The following SHROOM2 variants were observed in gnomAD, a reference collection of about 807,000 sequenced individuals.
The protein encoded by SHROOM2 is protein Shroom2.
In SHROOM2, 33 loss-of-function variants were observed where a neutral mutation model predicts 75.9. The ratio of observed to expected loss-of-function variants is 0.43; its 90% CI spans 0.33 to 0.58. The LOEUF (loss-of-function observed/expected upper bound fraction) is 0.58. SHROOM2 is among the 20% of genes least tolerant of loss of function. The pLI is 0.04. For synonymous variants in SHROOM2, 655 were observed against 663.6 expected (o/e 0.99, Z 0.20); for missense variants, 1,434 against 1,461.2 (o/e 0.98, Z 0.30).
chrX:9,947,396 C>G lies in SHROOM2; in HGVS notation c.*459C>G, dbSNP rs779449433. 3 of 127,395 alleles carry G rather than the reference C, an allele frequency of 2.4e-5. No homozygotes were observed. The highest frequency in any genetic ancestry group is 4.8e-5 in the Non-Finnish European group (3 of 62,954). 10.5% of individuals were successfully genotyped at this position (127,395 alleles called of 1,213,427 possible). ...CAGGCATGGGCTGCCAGGTTTTGTC[C>G]CTGCTCGTTCAACAGTGTGAGCATT... On this transcript the variant is annotated 3_prime_UTR_variant, in exon 10 of 10. Transcript: ENST00000380913.
rs73474571 is a variant in SHROOM2 at position 9,883,074 on chromosome X, G to A, written c.318-7903G>A. Among the ~76,000 whole-genome samples the A allele has an allele frequency of 5.6e-3, 623 of 112,023 alleles. 5 individuals are homozygous for A. Among genetic ancestry groups the A allele is most frequent in the African/African-American group, 0.019 (595 of 30,871 alleles). ...AGTTAACCATTTCTAGAGTGCTCTG[G>A]CGTACTTGTATACATTCATGTGATG... On this transcript the variant is annotated intron_variant, in intron 2 of 9. Coordinates refer to ENST00000380913, the MANE Select transcript of SHROOM2 (RefSeq NM_001649.4).
intron 1 of SHROOM2, among the ~76,000 whole-genome samples, chrX:9,806,121 G>A (rs898023184): frequency 9.1e-6 from 1 of 110,392 alleles, no homozygotes; most frequent in Admixed American, 9.8e-5. Context: ...AGAGCTATGA[G>A]CAATACATTT....
chrX:9,934,211 C>A (rs184231840), intron 6 of SHROOM2, among the ~76,000 whole-genome samples: 1 of 112,280 alleles, frequency 8.9e-6, no homozygotes, highest in South Asian at 3.7e-4. Context: ...CTCAGTCACA[C>A]CAGGTGTGGC....
chrX:9,848,378 A>C (rs12392234), intron 1 of SHROOM2, among the ~76,000 whole-genome samples: 19,059 of 97,450 alleles, frequency 0.2, 3,530 homozygotes, highest in African/African-American at 0.52. Flanking sequence ...GTGGCGGGCG[A>C]CTGTAGTCCC....
intron 5 of SHROOM2, among the ~76,000 whole-genome samples, chrX:9,926,812 G>A (rs1238668211): frequency 9.0e-6 from 1 of 110,825 alleles, no homozygotes; most frequent in Non-Finnish European, 1.9e-5. Flanking sequence ...AGCAAAATGA[G>A]TGTCAGGTTT....
intron 5 of SHROOM2, among the ~76,000 whole-genome samples, chrX:9,924,506 C>T (rs1207824725): frequency 1.8e-5 from 2 of 110,572 alleles, no homozygotes; most frequent in Non-Finnish European, 3.8e-5. Context: ...AAGGTGCCCA[C>T]CACCATGCCT....
chrX:9,843,378 T>A (rs1039802694), intron 1 of SHROOM2, among the ~76,000 whole-genome samples: 20 of 110,563 alleles, frequency 1.8e-4, no homozygotes, highest in Non-Finnish European at 3.0e-4. Flanking sequence ...TCCTTTTCTG[T>A]CCTGGGATTA....
intron 2 of SHROOM2, among the ~76,000 whole-genome samples, chrX:9,886,620 CT>C (rs981941340): frequency 3.6e-5 from 4 of 110,672 alleles, no homozygotes; most frequent in Admixed American, 9.7e-5. Flanking sequence ...CCCCCACCCC[CT>C]GGCAACCACC....
intron 1 of SHROOM2, chrX:9,818,638 TTTC>T (rs2083835711): frequency 5.8e-6 from 2 of 342,935 alleles, no homozygotes; most frequent in African/African-American, 5.3e-5. Context: ...GGTGCCTGTA[TTTC>T]TTATGTGTTC....
At chrX:9,794,614 C>G (rs2083684703) in intron 1 of SHROOM2, among the ~76,000 whole-genome samples, 1 of 111,598 alleles carries the variant, frequency 9.0e-6, no homozygotes, top group African/African-American at 3.3e-5. Context: ...GGTGATCCGC[C>G]CACCTCAGCC....
At chrX:9,835,137 G>A (rs1233485338) in intron 1 of SHROOM2, among the ~76,000 whole-genome samples, 2 of 112,702 alleles carry the variant, frequency 1.8e-5, no homozygotes, top group Non-Finnish European at 3.7e-5. Context: ...CACTGACAGT[G>A]TTGACTGCAA....
chrX:9,880,368 G>A (rs2084225078), intron 2 of SHROOM2, among the ~76,000 whole-genome samples: 1 of 113,156 alleles, frequency 8.8e-6, no homozygotes. Context: ...GGAGCACACT[G>A]AGCGGGTCCC....
intron 2 of SHROOM2, among the ~76,000 whole-genome samples, chrX:9,881,531 G>C (rs920411878): frequency 8.9e-6 from 1 of 112,195 alleles, no homozygotes; most frequent in Non-Finnish European, 1.9e-5. Context: ...TTACCATAGT[G>C]ACCACATGTG....
chrX:9,919,056 C>G (rs1214310590), intron 5 of SHROOM2, among the ~76,000 whole-genome samples: 1 of 111,974 alleles, frequency 8.9e-6, no homozygotes, highest in Non-Finnish European at 1.9e-5. Flanking sequence ...TCCTTTGTTT[C>G]TTTGTTCCTT....
At chrX:9,878,927 CTGTT>C (rs1488924944) in intron 2 of SHROOM2, among the ~76,000 whole-genome samples, 1 of 112,030 alleles carries the variant, frequency 8.9e-6, no homozygotes, top group Non-Finnish European at 1.9e-5. Flanking sequence ...GGTCTAATGG[CTGTT>C]TGCTACTGTG....
At chrX:9,929,715 A>G (rs142941002) in intron 5 of SHROOM2, among the ~76,000 whole-genome samples, 64 of 111,612 alleles carry the variant, frequency 5.7e-4, no homozygotes, top group African/African-American at 1.9e-3. Flanking sequence ...AGGTCATTTA[A>G]TTATCTGTTT....
intron 2 of SHROOM2, among the ~76,000 whole-genome samples, chrX:9,878,300 T>C (rs1448797363): frequency 9.0e-6 from 1 of 111,593 alleles, no homozygotes; most frequent in African/African-American, 3.3e-5. Context: ...TTCATGTCAC[T>C]TCCTGCCTCT....
chrX:9,794,391 T>C (rs1469979589), intron 1 of SHROOM2, among the ~76,000 whole-genome samples: 4 of 111,565 alleles, frequency 3.6e-5, no homozygotes, highest in African/African-American at 6.5e-5. Flanking sequence ...TTTTCTGAGA[T>C]GTAGTTTCGC....
intron 1 of SHROOM2, among the ~76,000 whole-genome samples, chrX:9,854,876 G>A (rs2084058756): frequency 9.0e-6 from 1 of 110,896 alleles, no homozygotes; most frequent in Non-Finnish European, 1.9e-5. Flanking sequence ...TTTATTTGGA[G>A]TAAACGGCAC....
Sources: gnomAD v4.1 joint callset for allele counts (sites outside exome capture counted in the v4.1 genomes callset) on GRCh38, gnomAD v4.1.1 for gene constraint, MANE v1.5 for transcripts, NCBI Gene and HGNC (gene_info 2026-07-23, HGNC 2026-07-21) for gene names.